DCC: variants seen among roughly 807,000 people sequenced by gnomAD.
DCC encodes the protein netrin receptor DCC.
In DCC, 58 loss-of-function variants were observed where a neutral mutation model predicts 172.5. That is an observed-to-expected ratio of 0.34 (90% CI 0.27 to 0.42). The LOEUF (loss-of-function observed/expected upper bound fraction) is 0.42. Among genes scored for constraint, DCC ranks in the 10% least tolerant of loss-of-function variants. DCC has a pLI of 1.00. For missense variants in DCC, 1,740 were observed against 1,791.0 expected, an observed-to-expected ratio of 0.97 and a Z score of 0.51; for synonymous variants, 709 against 644.5, an observed-to-expected ratio of 1.10 and a Z score of -1.52.
At chr18:53,038,184 A>G (rs1162996749) in intron 5 of DCC, among the ~76,000 whole-genome samples, 1 of 152,012 alleles carries the variant, frequency 6.6e-6, no homozygotes, top group South Asian at 2.1e-4. Flanking sequence ...GCAAGAGACC[A>G]GTCCCTAAAC....
chr18:52,737,495 C>T (rs1357601056), intron 1 of DCC, among the ~76,000 whole-genome samples: 1 of 152,144 alleles, frequency 6.6e-6, no homozygotes, highest in Non-Finnish European at 1.5e-5. Context: ...ACCATTTTCT[C>T]ATCCTGTGGG....
At chr18:53,013,112 C>T (rs552546442) in intron 5 of DCC, among the ~76,000 whole-genome samples, 2 of 152,208 alleles carry the variant, frequency 1.3e-5, no homozygotes, top group South Asian at 4.1e-4. Context: ...AACACATTTA[C>T]AGTGTTGGTG....
chr18:53,475,794 C>T (rs2045755098), intron 25 of DCC, among the ~76,000 whole-genome samples: 1 of 152,190 alleles, frequency 6.6e-6, no homozygotes, highest in Non-Finnish European at 1.5e-5. Flanking sequence ...AGAAGGCCAC[C>T]ATCCTCCAGA....
chr18:53,145,828 G>T (rs1026859030), intron 7 of DCC, among the ~76,000 whole-genome samples: 3 of 152,204 alleles, frequency 2.0e-5, no homozygotes, highest in Non-Finnish European at 2.9e-5. Flanking sequence ...TTGCTTCATA[G>T]CTTGATAGAG....
intron 27 of DCC, among the ~76,000 whole-genome samples, chr18:53,526,395 T>C (rs1478209457): frequency 6.6e-6 from 1 of 152,150 alleles, no homozygotes; most frequent in African/African-American, 2.4e-5. Context: ...TGCAATTACA[T>C]ATGGCTAGTG....
At chr18:52,734,051 C>G (rs911879281) in intron 1 of DCC, among the ~76,000 whole-genome samples, 3 of 151,998 alleles carry the variant, frequency 2.0e-5, no homozygotes, top group African/African-American at 7.3e-5. Flanking sequence ...TTATGAACAT[C>G]TGTATCATCT....
At chr18:52,712,263 C>T (rs1211660627) in intron 1 of DCC, among the ~76,000 whole-genome samples, 4 of 151,678 alleles carry the variant, frequency 2.6e-5, no homozygotes, top group African/African-American at 9.7e-5. Flanking sequence ...CCAGCCTCCA[C>T]TTACTTAATT....
chr18:53,068,614 C>T (rs1329698955), intron 7 of DCC, among the ~76,000 whole-genome samples: 1 of 152,000 alleles, frequency 6.6e-6, no homozygotes, highest in Non-Finnish European at 1.5e-5. Flanking sequence ...CCTCCTAGCA[C>T]TTGGCACTGA....
rs2055691330 is a variant in DCC, at chr18:53,208,430, G to A, written c.1861+613G>A. Among the ~76,000 whole-genome samples, 7 of 151,926 alleles carry A rather than the reference G, an allele frequency of 4.6e-5. No individual in the cohort carries two copies. The South Asian group carries it at 1.5e-3, about 32-fold the overall frequency. ...TTTACATTTTCTAATACACATTTGT[G>A]CATGTGTGGATTAATTTTGATTGGC... is the stretch of plus-strand genomic sequence containing the variant. On this transcript the variant is annotated intron_variant, in intron 11 of 28. Coordinates refer to ENST00000442544, the MANE Select transcript of DCC (RefSeq NM_005215.4).
intron 5 of DCC, among the ~76,000 whole-genome samples, chr18:52,983,887 G>A (rs1294540836): frequency 2.0e-5 from 3 of 152,068 alleles, no homozygotes; most frequent in Non-Finnish European, 2.9e-5. Flanking sequence ...AAAAATGACT[G>A]GTCGTTTTTC....
intron 5 of DCC, among the ~76,000 whole-genome samples, chr18:52,982,655 C>A (rs528605978): frequency 3.3e-5 from 5 of 152,044 alleles, no homozygotes; most frequent in Admixed American, 2.6e-4. Context: ...TTGTAACAGC[C>A]AAACATGTTT....
chr18:53,053,032 A>G (rs1208350745), intron 5 of DCC, among the ~76,000 whole-genome samples: 1 of 152,036 alleles, frequency 6.6e-6, no homozygotes, highest in Non-Finnish European at 1.5e-5. Context: ...AATCCCAGCT[A>G]CTCGGAAGGC....
At chr18:52,904,060 C>T (rs749060923) in intron 2 of DCC, among the ~76,000 whole-genome samples, 4 of 152,224 alleles carry the variant, frequency 2.6e-5, no homozygotes, top group Non-Finnish European at 5.9e-5. Flanking sequence ...CTGGCGCCCC[C>T]TGTAGGCAAT....
intron 15 of DCC, among the ~76,000 whole-genome samples, chr18:53,365,195 A>G (rs2057991250): frequency 6.6e-6 from 1 of 151,582 alleles, no homozygotes; most frequent in South Asian, 2.1e-4. Flanking sequence ...TTGTCCTTGC[A>G]ATAGTTTACT....
intron 5 of DCC, among the ~76,000 whole-genome samples, chr18:52,959,145 G>A (rs767270227): frequency 5.3e-5 from 8 of 152,062 alleles, no homozygotes; most frequent in African/African-American, 1.9e-4. Context: ...TTTCAGGGGG[G>A]TGAGGGAAGA....
chr18:53,478,064 G>A (rs1018438983), intron 25 of DCC, among the ~76,000 whole-genome samples: 10 of 152,210 alleles, frequency 6.6e-5, no homozygotes, highest in African/African-American at 2.2e-4. Flanking sequence ...ACACCAGTGA[G>A]GGTGAAGGAT....
chr18:53,530,837 A>G lies in DCC; in HGVS notation c.*184A>G, dbSNP rs2046518051. ...AAGCATTCCTTCTTTCACAGGCATC[A>G]GGAATTGTCAAATGATGATTATGAG... On this transcript the variant is annotated 3_prime_UTR_variant, in exon 29 of 29. Coordinates refer to ENST00000442544, the MANE Select transcript of DCC (RefSeq NM_005215.4). The G allele has an allele frequency of 1.5e-6, 1 of 658,320 alleles. No homozygotes were observed. The highest frequency in any genetic ancestry group is 2.7e-5 in the East Asian group (1 of 36,682). The allele number at this position is 658,320 out of a possible 1,614,324, so 40.8% of individuals were successfully genotyped here. A position where few individuals can be genotyped will look rare whatever the true frequency, so the allele number is the denominator to read the frequency against.
intron 9 of DCC, among the ~76,000 whole-genome samples, chr18:53,193,220 C>T (rs2055391877): frequency 6.6e-6 from 1 of 151,972 alleles, no homozygotes; most frequent in African/African-American, 2.4e-5. Flanking sequence ...CCACATCCTC[C>T]CAAGGCTTTT....
intron 2 of DCC, among the ~76,000 whole-genome samples, chr18:52,833,045 C>T (rs1568132513): frequency 6.6e-6 from 1 of 152,026 alleles, no homozygotes; most frequent in Non-Finnish European, 1.5e-5. Context: ...TAGGGTTTTG[C>T]CATCAAAGAG....
Sources: gnomAD v4.1 joint callset for allele counts (sites outside exome capture counted in the v4.1 genomes callset) on GRCh38, gnomAD v4.1.1 for gene constraint, MANE v1.5 for transcripts, NCBI Gene and HGNC (gene_info 2026-07-23, HGNC 2026-07-21) for gene names.